OSBPL1A: variants seen among roughly 807,000 people sequenced by gnomAD.
OSBPL1A encodes oxysterol binding protein like 1A.
OSBPL1A carries 80 observed loss-of-function variants against 137.1 expected under a neutral mutation model. That is an observed-to-expected ratio of 0.58 (90% CI 0.49 to 0.70). The LOEUF (loss-of-function observed/expected upper bound fraction) is 0.70, where lower values mean the gene tolerates loss of function less well. Ranked by LOEUF, OSBPL1A falls within the 30% of genes least tolerant of loss-of-function variation. The pLI, the probability that OSBPL1A is intolerant of heterozygous loss-of-function variation, is 0.00. For synonymous variants in OSBPL1A, 365 were observed against 389.7 expected, an observed-to-expected ratio of 0.94 and a Z score of 0.75; for missense variants, 970 against 1,129.4, an observed-to-expected ratio of 0.86 and a Z score of 2.02.
intron 6 of OSBPL1A, 70 bp from the exon 7 acceptor site, chr18:24,333,156 G>C: frequency 6.5e-7 from 1 of 1,535,736 alleles, no homozygotes; most frequent in East Asian, 2.3e-5. Context: ...ATTCACAGGA[G>C]GGTGTATCAG....
At chr18:24,295,012 C>G (rs1035573681) in intron 14 of OSBPL1A, among the ~76,000 whole-genome samples, 3 of 152,184 alleles carry the variant, frequency 2.0e-5, no homozygotes, top group Non-Finnish European at 4.4e-5. Flanking sequence ...AGAGGTTGTA[C>G]TAATTTACAT....
intron 18 of OSBPL1A, among the ~76,000 whole-genome samples, chr18:24,190,146 C>A (rs2086850008): frequency 6.6e-6 from 1 of 152,080 alleles, no homozygotes; most frequent in African/African-American, 2.4e-5. Flanking sequence ...CTGGACAACA[C>A]CTACACAGGA....
intron 14 of OSBPL1A, among the ~76,000 whole-genome samples, chr18:24,286,339 G>A (rs1274031048): frequency 6.6e-6 from 1 of 152,094 alleles, no homozygotes; most frequent in Non-Finnish European, 1.5e-5. Context: ...CATGCTGAAA[G>A]ACATAAAAAT....
chr18:24,264,622 A>C (rs1336366773), intron 15 of OSBPL1A, among the ~76,000 whole-genome samples: 1 of 152,198 alleles, frequency 6.6e-6, no homozygotes, highest in Non-Finnish European at 1.5e-5. Flanking sequence ...TCCTGTTGAG[A>C]ACCTGGAACA....
At position 24,366,598 on chromosome 18, in the gene OSBPL1A, A is replaced by T. The variant is rs911165799; in HGVS notation, c.282+294T>A. 1.0e-4 allele frequency: 24 copies of T among 240,186 alleles called. No individual in the cohort carries two copies. In the Admixed American group the frequency reaches 1.2e-3, roughly 12 times the overall value. The allele number at this position is 240,186 out of a possible 1,614,324, so 14.9% of individuals were successfully genotyped here. A position where few individuals can be genotyped will look rare whatever the true frequency, so the allele number is the denominator to read the frequency against. On this transcript the variant is annotated intron_variant, in intron 4 of 27. Transcript: ENST00000319481. Reference sequence around the variant, plus strand: ...ATGTAAGTTATACCTCAATGAAGCTATTTTTTTTTTAAAAAAAAGAATAAT... The same window carrying T: ...ATGTAAGTTATACCTCAATGAAGCTTTTTTTTTTTTAAAAAAAAGAATAAT...
At chr18:24,208,485 T>A (rs2087436916) in intron 17 of OSBPL1A, among the ~76,000 whole-genome samples, 1 of 152,230 alleles carries the variant, frequency 6.6e-6, no homozygotes, top group Admixed American at 6.5e-5. Flanking sequence ...TCCTTCTTTG[T>A]CCTGGTTGGG....
At chr18:24,389,305 G>C (rs1178644467) in intron 1 of OSBPL1A, among the ~76,000 whole-genome samples, 2 of 152,170 alleles carry the variant, frequency 1.3e-5, no homozygotes, top group South Asian at 2.1e-4. Flanking sequence ...TCAAAAATCA[G>C]GAGATAAGAG....
chr18:24,366,838 A>G, intron 4 of OSBPL1A, 54 bp downstream of exon 4: 2 of 1,531,900 alleles, frequency 1.3e-6, no homozygotes, highest in Non-Finnish European at 1.8e-6. Flanking sequence ...AAACAATGGT[A>G]ACTACTCCTC....
At chr18:24,272,080 G>C (rs886547446) in intron 15 of OSBPL1A, 46 of 982,326 alleles carry the variant, frequency 4.7e-5, no homozygotes, top group Non-Finnish European at 5.3e-5. Context: ...GGCGGGCGGA[G>C]GCGCAGGTAG....
intron 4 of OSBPL1A, among the ~76,000 whole-genome samples, chr18:24,365,203 C>T (rs2091686441): frequency 6.6e-6 from 1 of 152,140 alleles, no homozygotes; most frequent in Admixed American, 6.5e-5. Flanking sequence ...GACCAAACTA[C>T]TGATACATGC....
At chr18:24,175,139 C>CATACGTATAT (rs1555625104) in intron 21 of OSBPL1A, among the ~76,000 whole-genome samples, 9 of 119,834 alleles carry the variant, frequency 7.5e-5, no homozygotes, top group African/African-American at 2.2e-4. Flanking sequence ...TATATATACA[C>CATACGTATAT]ATATATATAT....
chr18:24,196,729 A>G (rs2087044725), intron 17 of OSBPL1A, among the ~76,000 whole-genome samples: 1 of 152,230 alleles, frequency 6.6e-6, no homozygotes, highest in Non-Finnish European at 1.5e-5. Flanking sequence ...TAAAAAGTAA[A>G]AAGTATTTAG....
chr18:24,368,972 G>A (rs180973569), intron 2 of OSBPL1A, among the ~76,000 whole-genome samples: 2 of 152,300 alleles, frequency 1.3e-5, no homozygotes, highest in Non-Finnish European at 2.9e-5. Flanking sequence ...CAGTGAGTGA[G>A]TTCTCAGGAA....
intron 4 of OSBPL1A, among the ~76,000 whole-genome samples, chr18:24,355,293 G>A (rs2146177435): frequency 6.6e-6 from 1 of 151,548 alleles, no homozygotes. Context: ...CATGAGGTCA[G>A]GAGTTCTAGA....
intron 14 of OSBPL1A, among the ~76,000 whole-genome samples, chr18:24,283,408 A>C (rs1365409938): frequency 1.3e-5 from 2 of 151,436 alleles, no homozygotes; most frequent in African/African-American, 4.9e-5. Flanking sequence ...CATCTTACAG[A>C]ATAGTTTTCT....
chr18:24,244,672 T>G (rs1270110880), intron 15 of OSBPL1A, among the ~76,000 whole-genome samples: 1 of 152,220 alleles, frequency 6.6e-6, no homozygotes, highest in Admixed American at 6.5e-5. Context: ...TATGGCAGTC[T>G]CTCATTTCAC....
chr18:24,215,298 A>G (rs1644502713), intron 17 of OSBPL1A, among the ~76,000 whole-genome samples: 1 of 152,212 alleles, frequency 6.6e-6, no homozygotes, highest in Non-Finnish European at 1.5e-5. Flanking sequence ...TTTATGCTAA[A>G]TTTCAAATCC....
chr18:24,283,313 T>TACAC (rs377325493), intron 14 of OSBPL1A, among the ~76,000 whole-genome samples: 45 of 130,388 alleles, frequency 3.5e-4, no homozygotes, highest in South Asian at 4.7e-4. Flanking sequence ...TGTATATATA[T>TACAC]ACACACACAC....
intron 15 of OSBPL1A, among the ~76,000 whole-genome samples, chr18:24,280,525 T>G (rs928373028): frequency 6.6e-5 from 10 of 152,242 alleles, no homozygotes; most frequent in African/African-American, 2.4e-5. Flanking sequence ...AAAGTATTTT[T>G]AATGTAAAGA....
Sources: allele counts gnomAD v4.1 joint callset (sites outside exome capture counted in the v4.1 genomes callset), GRCh38; gene constraint gnomAD v4.1.1; transcripts MANE v1.5; gene names NCBI Gene and HGNC (gene_info 2026-07-23, HGNC 2026-07-21).